Variants in USP6NL observed in about 807,000 individuals in gnomAD.
The protein encoded by USP6NL is USP6 N-terminal like.
A neutral mutation model predicts 61.9 loss-of-function variants in USP6NL; 26 were observed. That is an observed-to-expected ratio of 0.42 (90% confidence interval 0.31 to 0.58). The LOEUF (loss-of-function observed/expected upper bound fraction) is 0.58, where lower values mean the gene tolerates loss of function less well. USP6NL is among the 20% of genes least tolerant of loss of function. The pLI, the probability that USP6NL is intolerant of heterozygous loss-of-function variation, is 0.16. For missense variants in USP6NL, 1,114 were observed against 1,034.3 expected (o/e 1.08, Z -1.06); for synonymous variants, 432 against 390.1 (o/e 1.11, Z -1.27).
At chr10:11,547,972 T>C (rs1316473552) in intron 2 of USP6NL, among the ~76,000 whole-genome samples, 2 of 152,176 alleles carry the variant, frequency 1.3e-5, no homozygotes, top group African/African-American at 4.8e-5. Context: ...AGTTAAAAAA[T>C]TGGAAGGAAA....
chr10:11,518,394 G>A lies in USP6NL; in HGVS notation c.195+141C>T, dbSNP rs1835046434. On this transcript the variant is annotated intron_variant, in intron 5 of 14. Transcript: ENST00000609104. The surrounding 1 kb of genome is among the most constrained non-coding windows in gnomAD (Gnocchi z 5.3). ...TCACCATTAACTATTATCTTACAGT[G>A]GCATAATGAGGTCCAAAATCTAACA... The A allele has an allele frequency of 1.5e-5, 11 of 741,570 alleles. No individual in the cohort carries two copies. Among genetic ancestry groups the A allele is most frequent in the Admixed American group, 4.9e-5 (2 of 40,476 alleles). The allele number at this position is 741,570 out of a possible 1,614,324, so 45.9% of individuals were successfully genotyped here.
intron 14 of USP6NL, among the ~76,000 whole-genome samples, chr10:11,477,513 C>T (rs2440085): frequency 0.99 from 150,402 of 152,310 alleles, 74,288 homozygotes; most frequent in East Asian, 1. Context: ...CAGACGGAAA[C>T]AGTTTCACAA....
rs1258146795 is a variant in USP6NL at position 11,460,651 on chromosome 10, AT to A, written c.*1789del. Reference sequence around the variant, plus strand: ...TATATATATATATATATATATATATATATAAAAATCTACAGTATTTACCACT... The same window carrying A: ...TATATATATATATATATATATATATAATAAAAATCTACAGTATTTACCACT... On this transcript the variant is annotated 3_prime_UTR_variant, in exon 15 of 15. Transcript: ENST00000609104. 2.5e-3 allele frequency: 339 copies of A among 136,868 alleles called. 1 individual carries two copies. The highest frequency in any genetic ancestry group is 8.2e-3 in the African/African-American group (282 of 34,274). The allele number at this position is 136,868 out of a possible 1,614,324, so 8.5% of individuals were successfully genotyped here.
chr10:11,567,236 T>C (rs1426290616), intron 2 of USP6NL, among the ~76,000 whole-genome samples: 3 of 152,266 alleles, frequency 2.0e-5, no homozygotes, highest in South Asian at 2.1e-4. Context: ...ACAAATTTAA[T>C]GGTTTAAACA....
chr10:11,530,332 G>A (rs139056688), intron 2 of USP6NL, among the ~76,000 whole-genome samples: 1 of 152,172 alleles, frequency 6.6e-6, no homozygotes, highest in African/African-American at 2.4e-5. Flanking sequence ...AAGTTTAAAA[G>A]TGTAAAGGCA....
At position 11,463,655 on chromosome 10, in the gene USP6NL, G is replaced by A. The variant is rs761447679; in HGVS notation, c.1273C>T (p.Pro425Ser). 20 of 1,613,920 alleles carry A rather than the reference G, an allele frequency of 1.2e-5. No homozygotes were observed. The highest frequency in any genetic ancestry group is 1.6e-5 in the Non-Finnish European group (19 of 1,179,866). The change falls in exon 15 of 15, where the codon CCC (proline) becomes TCC (serine). Residue 425 changes from proline (P) to serine (S), a missense_variant. Physicochemically the swap from Pro to Ser is moderately conservative, Grantham distance 74. Transcript: ENST00000609104. The surrounding 1 kb of genome is among the most constrained non-coding windows in gnomAD (Gnocchi z 6.3). ...SPHPQSRTGT[P>S]ERAQPPRRKS... is the part of the protein sequence containing the mutation. ...CGTCTTGGCGGCTGTGCTCTCTCGG[G>A]CGTCCCGGTCCTGCTCTGGGGGTGC... is the stretch of plus-strand genomic sequence containing the variant.
At position 11,609,190 on chromosome 10, in the gene USP6NL, G is replaced by A. The variant is rs974474426; in HGVS notation, c.-84+2253C>T. Among the ~76,000 whole-genome samples the A allele has an allele frequency of 3.9e-5, 6 of 152,000 alleles. 1 individual carries two copies. Among genetic ancestry groups the A allele is most frequent in the South Asian group, 4.1e-4 (2 of 4,822 alleles). On this transcript the variant is annotated intron_variant, in intron 1 of 14. Transcript: ENST00000609104. The stretch of plus-strand genomic sequence containing the variant: ...AAGGATTCTCCTGTCTCAGCCTCCC[G>A]GGTAGCTGGGATTACAGCAGTGCAC...
chr10:11,573,809 T>C (rs1837445009), intron 2 of USP6NL: 1 of 395,326 alleles, frequency 2.5e-6, no homozygotes, highest in Admixed American at 4.4e-5. Context: ...ATGAATGCTT[T>C]GCCTAGCTAT....
chr10:11,608,941 T>C (rs1838791432), intron 1 of USP6NL, among the ~76,000 whole-genome samples: 2 of 152,258 alleles, frequency 1.3e-5, no homozygotes, highest in Non-Finnish European at 1.5e-5. Context: ...GTTGGATTTC[T>C]TTTCAATTAT....
rs545756962 is a variant in USP6NL at position 11,568,759 on chromosome 10, G to A, written c.4+28872C>T. 5.3e-5 allele frequency among the ~76,000 whole-genome samples: 8 copies of A among 152,214 alleles called. No homozygotes were observed. The East Asian group carries it at 9.6e-4, about 18-fold the overall frequency. Reference sequence around the variant, plus strand: ...TCCCCCATATTGCTTTTGTCCTTACGGTCACATCATGGCTGCCATTACTCC... The same window carrying A: ...TCCCCCATATTGCTTTTGTCCTTACAGTCACATCATGGCTGCCATTACTCC... On this transcript the variant is annotated intron_variant, in intron 2 of 14. Transcript: ENST00000609104.
intron 6 of USP6NL, among the ~76,000 whole-genome samples, chr10:11,509,185 T>C (rs1016504577): frequency 2.0e-5 from 3 of 152,196 alleles, no homozygotes; most frequent in Non-Finnish European, 4.4e-5. Context: ...GCCAGCCCTC[T>C]CTCTTTCTGA....
chr10:11,585,927 G>C lies in USP6NL; in HGVS notation c.4+11704C>G, dbSNP rs569299610. On this transcript the variant is annotated intron_variant, in intron 2 of 14. Coordinates refer to ENST00000609104, the MANE Select transcript of USP6NL (RefSeq NM_014688.5). The surrounding 1 kb of genome is among the most constrained non-coding windows in gnomAD (Gnocchi z 4.5). ...GTACCTAGAGGTCAGAGGCCGGGAA[G>C]AGGAAGAAACAGAGCATTAGTGTTT... Among the ~76,000 whole-genome samples the C allele has an allele frequency of 1.6e-3, 247 of 152,184 alleles. 2 individuals carry two copies. The highest frequency in any genetic ancestry group is 2.8e-3 in the Non-Finnish European group (189 of 68,032).
chr10:11,504,925 T>C (rs1834371664), intron 6 of USP6NL, among the ~76,000 whole-genome samples: 1 of 152,170 alleles, frequency 6.6e-6, no homozygotes, highest in Non-Finnish European at 1.5e-5. Context: ...CACCACACTG[T>C]CGAGATCTGT....
chr10:11,535,684 T>C (rs1835805338), intron 2 of USP6NL, among the ~76,000 whole-genome samples: 1 of 152,222 alleles, frequency 6.6e-6, no homozygotes, highest in South Asian at 2.1e-4. Flanking sequence ...TGCTCTTTTT[T>C]CCTTACAATA....
In USP6NL at chr10:11,473,455, A is replaced by G. The variant is rs576691556; in HGVS notation, c.1078+8315T>C. On this transcript the variant is annotated intron_variant, in intron 14 of 14. Coordinates refer to ENST00000609104, the MANE Select transcript of USP6NL (RefSeq NM_014688.5). ...TTGGGGAGGCCAGGCACCGGCTGAG[A>G]AGGCTTCAGGCGATGCTTAAACCAA... Among the ~76,000 whole-genome samples the G allele has an allele frequency of 3.9e-5, 6 of 152,294 alleles. No individual in the cohort carries two copies. The East Asian group carries it at 1.2e-3, about 29-fold the overall frequency.
rs2096220942 is a variant in USP6NL, at chr10:11,462,824, G to A, written c.2104C>T (p.Pro702Ser). 1.9e-6 allele frequency: 3 copies of A among 1,613,984 alleles called. No individual in the cohort carries two copies. The highest frequency in any genetic ancestry group is 1.6e-4 in the Middle Eastern group (1 of 6,062). ...VLPSSRIEVLPVDTGAGGYSG... is the reference protein window; with the variant it reads ...VLPSSRIEVLSVDTGAGGYSG... The stretch of plus-strand genomic sequence containing the variant: ...TATCCCCCAGCACCAGTGTCAACAG[G>A]GAGGACTTCTATTCGACTAGACGGC... Residue 702 changes from proline to serine, a missense_variant, in exon 15 of 15, where the codon CCT becomes TCT. Pro to Ser is a moderately conservative substitution (Grantham distance 74). Transcript: ENST00000609104.
intron 14 of USP6NL, among the ~76,000 whole-genome samples, chr10:11,467,752 G>A (rs1369478225): frequency 2.0e-5 from 3 of 152,146 alleles, no homozygotes; most frequent in Non-Finnish European, 4.4e-5. Context: ...ATAAACGCTA[G>A]TAGTCATTAA....
intron 2 of USP6NL, among the ~76,000 whole-genome samples, chr10:11,543,815 T>TG (rs1434088210): frequency 2.4e-5 from 3 of 127,562 alleles, no homozygotes; most frequent in South Asian, 2.9e-4. Flanking sequence ...TTTTTTTTTT[T>TG]TTTTTTTTTT....
At chr10:11,517,148 G>A (rs939405779) in intron 5 of USP6NL, among the ~76,000 whole-genome samples, 1 of 152,108 alleles carries the variant, frequency 6.6e-6, no homozygotes, top group Non-Finnish European at 1.5e-5. Flanking sequence ...ACACTTGAAG[G>A]GACAATCTCT....
Sources: gnomAD v4.1 joint callset for allele counts (sites outside exome capture counted in the v4.1 genomes callset) on GRCh38, gnomAD v4.1.1 for gene constraint, Gnocchi (gnomAD v3.1) non-coding constraint, MANE v1.5 for transcripts, NCBI Gene and HGNC (gene_info 2026-07-23, HGNC 2026-07-21) for gene names.